The following HMBOX1 variants were observed in gnomAD, a reference collection of about 807,000 sequenced individuals.
HMBOX1 encodes the protein homeobox-containing protein 1.
Under a neutral mutation model 54.5 loss-of-function variants are expected in HMBOX1, and 14 were observed. The observed-to-expected ratio is 0.26, with a 90% CI of 0.17 to 0.40. The LOEUF is 0.40. Among genes scored for constraint, HMBOX1 ranks in the 10% least tolerant of loss-of-function variants. The probability of loss-of-function intolerance (pLI) is 1.00; values close to 1 mark genes in which losing one functional copy is unlikely to be tolerated. For synonymous variants in HMBOX1, 160 were observed against 181.0 expected (o/e 0.88, Z 0.93); for missense variants, 332 against 514.4 (o/e 0.65, Z 3.43).
intron 4 of HMBOX1, among the ~76,000 whole-genome samples, chr8:29,005,988 C>CTTT (rs1833393984): frequency 7.3e-6 from 1 of 137,154 alleles, no homozygotes; most frequent in Non-Finnish European, 1.6e-5. Context: ...TTGATGCATT[C>CTTT]TATTTTTTTT....
chr8:28,964,573 G>T (rs1019989087), intron 2 of HMBOX1, among the ~76,000 whole-genome samples: 1 of 152,196 alleles, frequency 6.6e-6, no homozygotes, highest in Non-Finnish European at 1.5e-5. Flanking sequence ...AGAGTCGAAT[G>T]CAGAGTGCCT....
chr8:28,972,130 C>G (rs533507266), intron 3 of HMBOX1, among the ~76,000 whole-genome samples: 1 of 152,116 alleles, frequency 6.6e-6, no homozygotes, highest in Non-Finnish European at 1.5e-5. Context: ...TATCTGGATT[C>G]CAGATACAGT....
rs1817752023 is a variant in HMBOX1 at position 28,922,649 on chromosome 8, C to CT, written c.-58+31972dup. ...ACATAATTTCAGACAGTTCTCAGAC[C>CT]TCTAGTTAACTCACCAGGCATTAAT... On this transcript the variant is annotated intron_variant, in intron 1 of 9. Coordinates refer to ENST00000287701, the MANE Select transcript of HMBOX1 (RefSeq NM_001135726.3). 1.3e-5 allele frequency among the ~76,000 whole-genome samples: 2 copies of CT among 152,108 alleles called. 1 individual carries two copies. The highest frequency in any genetic ancestry group is 4.1e-4 in the South Asian group (2 of 4,826).
chr8:28,961,900 T>G (rs536613714), intron 1 of HMBOX1, among the ~76,000 whole-genome samples: 5,311 of 139,214 alleles, frequency 0.038, 104 homozygotes, highest in African/African-American at 0.066. Flanking sequence ...TTTTATTTTT[T>G]TTTTTTTTTT....
chr8:29,018,966 A>G, intron 6 of HMBOX1, 53 bp downstream of exon 6: 1 of 1,548,566 alleles, frequency 6.5e-7, no homozygotes, highest in South Asian at 1.1e-5. Context: ...GAAGACATCA[A>G]CTCTGGATAG....
chr8:28,914,305 A>G (rs560886456), intron 1 of HMBOX1, among the ~76,000 whole-genome samples: 1 of 152,198 alleles, frequency 6.6e-6, no homozygotes, highest in South Asian at 2.1e-4. Context: ...GCATTGTCAA[A>G]GAGGATATTA....
At chr8:28,944,457 A>G (rs1475706470) in intron 1 of HMBOX1, among the ~76,000 whole-genome samples, 2 of 152,220 alleles carry the variant, frequency 1.3e-5, no homozygotes, top group Non-Finnish European at 2.9e-5. Context: ...AAAGCTTACC[A>G]AGAAAAGTTT....
intron 1 of HMBOX1, among the ~76,000 whole-genome samples, chr8:28,924,180 C>T (rs999602281): frequency 1.3e-5 from 2 of 150,398 alleles, no homozygotes; most frequent in African/African-American, 2.5e-5. Flanking sequence ...GATCTTGGCT[C>T]ACTGCAAGCT....
At chr8:28,926,280 C>T (rs1002426524) in intron 1 of HMBOX1, among the ~76,000 whole-genome samples, 1 of 141,002 alleles carries the variant, frequency 7.1e-6, no homozygotes, top group Non-Finnish European at 1.5e-5. Flanking sequence ...TTATTCATGG[C>T]AGATATATAT....
At chr8:29,040,617 A>G (rs951321032) in intron 6 of HMBOX1, among the ~76,000 whole-genome samples, 1 of 152,202 alleles carries the variant, frequency 6.6e-6, no homozygotes, top group African/African-American at 2.4e-5. Flanking sequence ...GCATGTTTCA[A>G]TGACAATTCA....
chr8:28,947,399 G>A (rs1030989365), intron 1 of HMBOX1, among the ~76,000 whole-genome samples: 4 of 152,122 alleles, frequency 2.6e-5, no homozygotes, highest in Admixed American at 6.5e-5. Context: ...CCTGAGATGT[G>A]GAAAGTAAAA....
Position 28,932,395 on chromosome 8 carries a change from A to G in HMBOX1, c.-57-31416A>G, listed in dbSNP as rs967802890. On this transcript the variant is annotated intron_variant, in intron 1 of 9. Transcript: ENST00000287701. ...GACTACCATTGAGAATGGCTTGTAA[A>G]TTCTGCTTTCTAAAGAGAGGGATTA... 2.6e-5 allele frequency among the ~76,000 whole-genome samples: 4 copies of G among 152,244 alleles called. No individual in the cohort carries two copies. In the East Asian group the frequency reaches 7.7e-4, roughly 29 times the overall value.
At chr8:28,895,918 A>G (rs1024319989) in intron 1 of HMBOX1, among the ~76,000 whole-genome samples, 1 of 152,116 alleles carries the variant, frequency 6.6e-6, no homozygotes, top group Non-Finnish European at 1.5e-5. Flanking sequence ...TTCATTAGTC[A>G]TTCTAAGCTC....
At chr8:28,947,224 AG>A (rs1822627719) in intron 1 of HMBOX1, among the ~76,000 whole-genome samples, 1 of 152,212 alleles carries the variant, frequency 6.6e-6, no homozygotes, top group Non-Finnish European at 1.5e-5. Context: ...GTAGACTCTG[AG>A]GAATTCAGAG....
intron 1 of HMBOX1, among the ~76,000 whole-genome samples, chr8:28,901,828 C>G (rs1194370672): frequency 6.6e-6 from 1 of 152,066 alleles, no homozygotes; most frequent in Non-Finnish European, 1.5e-5. Context: ...ATTACCTTTC[C>G]TTCTGCTGTA....
At chr8:29,010,172 A>G (rs1335372190) in intron 5 of HMBOX1, 1 of 969,364 alleles carries the variant, frequency 1.0e-6, no homozygotes, top group Non-Finnish European at 1.2e-6. Flanking sequence ...ATCTATTCTG[A>G]CTCCCAGTTT....
intron 5 of HMBOX1, among the ~76,000 whole-genome samples, chr8:29,013,140 TTTG>T (rs559800759): frequency 2.6e-5 from 4 of 152,198 alleles, no homozygotes; most frequent in East Asian, 3.9e-4. Context: ...GTGAAGTCCT[TTTG>T]TTGTTGTTGT....
At chr8:28,976,197 C>T (rs371302084) in intron 3 of HMBOX1, among the ~76,000 whole-genome samples, 14 of 152,012 alleles carry the variant, frequency 9.2e-5, no homozygotes, top group East Asian at 7.7e-4. Flanking sequence ...TACAGCAGAT[C>T]GTTTGTTTCT....
At chr8:28,927,461 C>G (rs972765806) in intron 1 of HMBOX1, among the ~76,000 whole-genome samples, 1 of 152,016 alleles carries the variant, frequency 6.6e-6, no homozygotes, top group Non-Finnish European at 1.5e-5. Context: ...GGGTATCAGG[C>G]TACTTCCACT....
Sources: allele counts gnomAD v4.1 joint callset (sites outside exome capture counted in the v4.1 genomes callset), GRCh38; gene constraint gnomAD v4.1.1; transcripts MANE v1.5; gene names NCBI Gene and HGNC (gene_info 2026-07-23, HGNC 2026-07-21).